N4BP2L2: variants seen among roughly 807,000 people sequenced by gnomAD.
N4BP2L2 encodes NEDD4-binding protein 2-like 2.
In N4BP2L2, 50 loss-of-function variants were observed where a neutral mutation model predicts 56.2. That is an observed-to-expected ratio of 0.89 (90% CI 0.71 to 1.13). N4BP2L2 has a LOEUF of 1.13. Among genes scored for constraint, N4BP2L2 ranks in the 50% most tolerant of loss-of-function variants. The probability of loss-of-function intolerance (pLI) is 0.00; values close to 1 mark genes in which losing one functional copy is unlikely to be tolerated. For missense variants in N4BP2L2, 689 were observed against 693.8 expected, an observed-to-expected ratio of 0.99 and a Z score of 0.08; for synonymous variants, 203 against 223.6, an observed-to-expected ratio of 0.91 and a Z score of 0.82.
rs537950405 is a variant in N4BP2L2 at position 32,496,195 on chromosome 13, C to T, written c.365+21662G>A. 1.1e-3 allele frequency among the ~76,000 whole-genome samples: 166 copies of T among 145,584 alleles called. 1 individual carries two copies. Among genetic ancestry groups the T allele is most frequent in the Middle Eastern group, 0.011 (3 of 276 alleles). On this transcript the variant is annotated intron_variant, in intron 6 of 9. Coordinates refer to the N4BP2L2 transcript ENST00000357505. ...AAAAAAGGCATATGCAACCAAGCTA[C>T]CTATTTTTTATTTTTTTTTTTTTAC... is the stretch of plus-strand genomic sequence containing the variant.
rs145430296 is a variant in N4BP2L2 at position 32,534,907 on chromosome 13, T to C, written c.1259+862A>G. Among the ~76,000 whole-genome samples the C allele has an allele frequency of 4.2e-3, 635 of 152,272 alleles. 6 individuals carry two copies. Among genetic ancestry groups the C allele is most frequent in the African/African-American group, 0.014 (590 of 41,550 alleles). On this transcript the variant is annotated intron_variant, in intron 2 of 5. Transcript: ENST00000267068. ...ATTTTTTCACAACTGCATAAACATA[T>C]TCAAGTGCATCAATAGTTTAAAAAT...
chr13:32,524,096 AAT>A (rs1406044362), intron 3 of N4BP2L2: 2 of 152,252 alleles, frequency 1.3e-5, no homozygotes, highest in Non-Finnish European at 2.9e-5. Flanking sequence ...CAGTTAGAAT[AAT>A]CACTATGGGG....
rs1566093491 is a variant in N4BP2L2, at chr13:32,477,744, C to CCAT, written c.366-33619_366-33618insATG. 1.4e-5 allele frequency: 8 copies of CCAT among 563,472 alleles called. No individual in the cohort carries two copies. The African/African-American group carries it at 1.6e-4, about 11-fold the overall frequency. 34.9% of individuals were successfully genotyped at this position (563,472 alleles called of 1,614,324 possible). On this transcript the variant is annotated intron_variant, in intron 6 of 9. Transcript: ENST00000357505. ...TTCTTAGCTTAGATGGAACCTTGAG[C>CCAT]CTAAGTGGTAAAAGCTCTGTTCCAA... is the stretch of plus-strand genomic sequence containing the variant.
chr13:32,446,617 A>G lies in N4BP2L2; in HGVS notation c.366-2491T>C, dbSNP rs929260739. ...CTGTGGAGTTTAATGCACTTAATGT[A>G]TAGTCACTGTCCCTCAGAACAGCTC... On this transcript the variant is annotated intron_variant, in intron 6 of 9. Coordinates refer to the N4BP2L2 transcript ENST00000357505. The G allele has an allele frequency of 1.4e-4, 133 of 983,976 alleles. 1 individual carries two copies. In the Admixed American group the frequency reaches 3.8e-3, roughly 28 times the overall value. The allele number at this position is 983,976 out of a possible 1,614,324, so 61.0% of individuals were successfully genotyped here. A position where few individuals can be genotyped will look rare whatever the true frequency, so the allele number is the denominator to read the frequency against.
intron 6 of N4BP2L2, among the ~76,000 whole-genome samples, chr13:32,464,708 CTAGATA>C: frequency 6.6e-6 from 1 of 152,188 alleles, no homozygotes; most frequent in African/African-American, 2.4e-5. Flanking sequence ...CTCTTCCTTA[CTAGATA>C]TAGACTACTG....
chr13:32,508,620 G>GA (rs1278786986), downstream of N4BP2L2: 1 of 152,072 alleles, frequency 6.6e-6, no homozygotes, highest in Admixed American at 6.5e-5. Context: ...GAAAGTTACT[G>GA]AATTACTGAG....
chr13:32,463,525 A>G (rs1369319269), intron 6 of N4BP2L2, among the ~76,000 whole-genome samples: 1 of 151,934 alleles, frequency 6.6e-6, no homozygotes, highest in Non-Finnish European at 1.5e-5. Context: ...TTAGCCAGGC[A>G]TGGTGGCAGG....
intron 6 of N4BP2L2, among the ~76,000 whole-genome samples, chr13:32,452,339 G>T (rs2078231191): frequency 6.6e-6 from 1 of 152,022 alleles, no homozygotes; most frequent in African/African-American, 2.4e-5. Flanking sequence ...GGGAATACAG[G>T]CGTGAGCCAC....
intron 6 of N4BP2L2, among the ~76,000 whole-genome samples, chr13:32,445,641 T>C (rs1414573245): frequency 6.6e-6 from 1 of 152,210 alleles, no homozygotes; most frequent in Non-Finnish European, 1.5e-5. Flanking sequence ...TGGAAATGTG[T>C]AAAGGCATTT....
intron 9 of N4BP2L2, among the ~76,000 whole-genome samples, chr13:32,435,138 G>A (rs890723086): frequency 6.6e-6 from 1 of 152,286 alleles, no homozygotes; most frequent in Middle Eastern, 3.4e-3. Context: ...ATGCTATGGT[G>A]TTAAATCAAA....
chr13:32,486,011 G>A (rs1033194912), intron 6 of N4BP2L2, among the ~76,000 whole-genome samples: 11 of 152,050 alleles, frequency 7.2e-5, no homozygotes, highest in East Asian at 1.9e-4. Context: ...CAGAGGTTGC[G>A]GTGAACCAAG....
chr13:32,492,273 A>AAT (rs2087294794), intron 6 of N4BP2L2, among the ~76,000 whole-genome samples: 13 of 72,144 alleles, frequency 1.8e-4, no homozygotes, highest in African/African-American at 7.4e-4. Flanking sequence ...AAACACCAAA[A>AAT]TTTTTTTTTT....
At chr13:32,452,763 G>A (rs553785751) in intron 6 of N4BP2L2, among the ~76,000 whole-genome samples, 33 of 152,192 alleles carry the variant, frequency 2.2e-4, no homozygotes, top group African/African-American at 7.9e-4. Flanking sequence ...TTAACAATGA[G>A]TACTATGATC....
At chr13:32,519,912 T>G (rs947145182) in intron 5 of N4BP2L2, among the ~76,000 whole-genome samples, 1 of 152,206 alleles carries the variant, frequency 6.6e-6, no homozygotes, top group Admixed American at 6.5e-5. Context: ...CATAACTGCA[T>G]AGCATTTTAT....
intron 2 of N4BP2L2, among the ~76,000 whole-genome samples, chr13:32,530,323 T>A (rs895682156): frequency 9.2e-5 from 14 of 152,238 alleles, no homozygotes; most frequent in Admixed American, 4.6e-4. Context: ...TGAAGCTTTA[T>A]TTTATGGACT....
At chr13:32,523,780 T>G (rs1250240252) in intron 3 of N4BP2L2, 1 of 151,544 alleles carries the variant, frequency 6.6e-6, no homozygotes, top group Non-Finnish European at 1.5e-5. Context: ...TCCAAAGGCA[T>G]AAGAATGACT....
At chr13:32,466,850 A>G (rs1315922382) in intron 6 of N4BP2L2, among the ~76,000 whole-genome samples, 1 of 152,194 alleles carries the variant, frequency 6.6e-6, no homozygotes, top group African/African-American at 2.4e-5. Context: ...GTTCTTTTAT[A>G]TGACACGTTG....
At chr13:32,538,727 G>A (rs1237869958) in exon 1 of N4BP2L2, 2 of 985,364 alleles carry the variant, frequency 2.0e-6, no homozygotes, top group Non-Finnish European at 2.4e-6. Context: ...TAAAGCCGAG[G>A]TCTGGAGGGA....
intron 6 of N4BP2L2, among the ~76,000 whole-genome samples, chr13:32,496,177 G>T (rs2088568187): frequency 6.6e-6 from 1 of 151,748 alleles, no homozygotes; most frequent in Non-Finnish European, 1.5e-5. Context: ...CTGAAAAAAG[G>T]CATATGCAAC....
Sources: allele counts gnomAD v4.1 joint callset (sites outside exome capture counted in the v4.1 genomes callset), GRCh38; gene constraint gnomAD v4.1.1; transcripts MANE v1.5; gene names NCBI Gene and HGNC (gene_info 2026-07-23, HGNC 2026-07-21).